The following PTPRM variants were observed in gnomAD, a reference collection of about 807,000 sequenced individuals.
PTPRM encodes protein tyrosine phosphatase receptor type M, also known as receptor-type tyrosine-protein phosphatase mu.
Under a neutral mutation model 186.7 loss-of-function variants are expected in PTPRM, and 47 were observed. The observed-to-expected ratio is 0.25, with a 90% confidence interval of 0.20 to 0.32. The LOEUF (loss-of-function observed/expected upper bound fraction) is 0.32, where lower values mean the gene tolerates loss of function less well. Among genes scored for constraint, PTPRM ranks in the 10% least tolerant of loss-of-function variants. The pLI, the probability that PTPRM is intolerant of heterozygous loss-of-function variation, is 1.00. For synonymous variants in PTPRM, 668 were observed against 674.9 expected, an observed-to-expected ratio of 0.99 and a Z score of 0.16; for missense variants, 1,494 against 1,865.0, an observed-to-expected ratio of 0.80 and a Z score of 3.66.
At chr18:8,150,888 C>T (rs994334870) in intron 14 of PTPRM, among the ~76,000 whole-genome samples, 2 of 152,196 alleles carry the variant, frequency 1.3e-5, no homozygotes, top group Admixed American at 1.3e-4. Context: ...TCTGGCCCCT[C>T]TGCTGCAGGT....
chr18:7,813,738 CT>C (rs908938539), intron 2 of PTPRM, among the ~76,000 whole-genome samples: 14 of 150,910 alleles, frequency 9.3e-5, no homozygotes, highest in Non-Finnish European at 8.9e-5. Context: ...CTTGTCTTAA[CT>C]TTTTTTTTCA....
intron 14 of PTPRM, among the ~76,000 whole-genome samples, chr18:8,235,476 T>TTTG (rs2094335056): frequency 2.2e-5 from 3 of 136,770 alleles, no homozygotes; most frequent in African/African-American, 8.0e-5. Context: ...TTTTTTTTTT[T>TTTG]TTTAGCCTGG....
At chr18:8,375,114 T>C (rs186479487) in intron 24 of PTPRM, among the ~76,000 whole-genome samples, 1 of 152,298 alleles carries the variant, frequency 6.6e-6, no homozygotes, top group East Asian at 1.9e-4. Context: ...GAAAACAAAA[T>C]TGACAGGTAT....
At chr18:8,151,238 T>C (rs1030868160) in intron 14 of PTPRM, among the ~76,000 whole-genome samples, 5 of 152,050 alleles carry the variant, frequency 3.3e-5, no homozygotes, top group African/African-American at 1.2e-4. Flanking sequence ...ACAGCTGCCC[T>C]TTCCCCCAGG....
At chr18:7,887,906 A>G (rs755668258) in intron 2 of PTPRM, 200 bp from the exon 3 acceptor site, 11 of 743,206 alleles carry the variant, frequency 1.5e-5, no homozygotes, top group African/African-American at 3.4e-5. Context: ...CATTAATACT[A>G]TGTGCACTCT....
intron 14 of PTPRM, among the ~76,000 whole-genome samples, chr18:8,225,476 C>G (rs987367985): frequency 2.0e-5 from 3 of 152,122 alleles, no homozygotes; most frequent in Non-Finnish European, 2.9e-5. Context: ...ATTGTCTGCC[C>G]CATGGCTGGA....
intron 21 of PTPRM, among the ~76,000 whole-genome samples, chr18:8,318,591 C>T (rs2148059879): frequency 6.6e-6 from 1 of 152,310 alleles, no homozygotes; most frequent in Middle Eastern, 3.4e-3. Context: ...AACCACCACA[C>T]CTGGCCCTTT....
intron 1 of PTPRM, among the ~76,000 whole-genome samples, chr18:7,608,068 A>G (rs995655430): frequency 6.6e-6 from 1 of 152,184 alleles, no homozygotes; most frequent in African/African-American, 2.4e-5. Context: ...CGGTCAGACA[A>G]GATGCTGGGA....
chr18:8,178,239 A>G (rs1001630751), intron 14 of PTPRM, among the ~76,000 whole-genome samples: 2 of 152,216 alleles, frequency 1.3e-5, no homozygotes, highest in African/African-American at 2.4e-5. Context: ...GTTTGTTCAC[A>G]GGAATAAGCA....
At chr18:8,251,347 T>C (rs1030109819) in intron 17 of PTPRM, among the ~76,000 whole-genome samples, 2 of 152,174 alleles carry the variant, frequency 1.3e-5, no homozygotes, top group African/African-American at 4.8e-5. Flanking sequence ...CTAATTAATG[T>C]TCCATTTATT....
intron 11 of PTPRM, among the ~76,000 whole-genome samples, chr18:8,110,882 A>C (rs1309860656): frequency 6.6e-6 from 1 of 152,182 alleles, no homozygotes; most frequent in East Asian, 1.9e-4. Flanking sequence ...AAGTCAGTGG[A>C]GACTAGCTTA....
intron 1 of PTPRM, among the ~76,000 whole-genome samples, chr18:7,647,008 T>A (rs1412090855): frequency 6.6e-6 from 1 of 152,182 alleles, no homozygotes; most frequent in Non-Finnish European, 1.5e-5. Context: ...TTTTTTGCCA[T>A]GTGTCTTAGC....
chr18:7,927,971 G>A (rs1679628916), intron 5 of PTPRM, among the ~76,000 whole-genome samples: 1 of 152,016 alleles, frequency 6.6e-6, no homozygotes. Flanking sequence ...CAAACTCCTA[G>A]CCTCAAGTGA....
chr18:7,747,496 GGTATTGGCAGAC>G (rs2041021395), intron 1 of PTPRM: 1 of 152,418 alleles, frequency 6.6e-6, no homozygotes, highest in South Asian at 2.1e-4. Flanking sequence ...CCAAGATCAA[GGTATTGGCAGAC>G]TTGGTTCCTT....
At chr18:7,661,086 A>G (rs764129928) in intron 1 of PTPRM, among the ~76,000 whole-genome samples, 2 of 152,254 alleles carry the variant, frequency 1.3e-5, no homozygotes, top group Non-Finnish European at 2.9e-5. Flanking sequence ...TATGTTTTGA[A>G]GAACAGGACT....
At chr18:8,178,309 A>G (rs2093517323) in intron 14 of PTPRM, among the ~76,000 whole-genome samples, 1 of 152,232 alleles carries the variant, frequency 6.6e-6, no homozygotes, top group Non-Finnish European at 1.5e-5. Context: ...GAATCTTTTA[A>G]CAGGTTTGCC....
At chr18:7,941,452 C>T (rs1378999247) in intron 5 of PTPRM, among the ~76,000 whole-genome samples, 1 of 152,226 alleles carries the variant, frequency 6.6e-6, no homozygotes, top group Admixed American at 6.5e-5. Context: ...ATCCACTTAA[C>T]AAAGTCTGAT....
At chr18:8,266,994 G>C (rs1195741155) in intron 19 of PTPRM, among the ~76,000 whole-genome samples, 1 of 152,000 alleles carries the variant, frequency 6.6e-6, no homozygotes, top group African/African-American at 2.4e-5. Context: ...TTCTATTATC[G>C]CCCTTTAGGG....
intron 19 of PTPRM, among the ~76,000 whole-genome samples, chr18:8,258,931 T>G (rs1601517593): frequency 6.6e-6 from 1 of 151,964 alleles, no homozygotes; most frequent in East Asian, 1.9e-4. Context: ...ATTATCTTTA[T>G]TCCACGTACT....
Sources: gnomAD v4.1 joint callset for allele counts (sites outside exome capture counted in the v4.1 genomes callset) on GRCh38, gnomAD v4.1.1 for gene constraint, MANE v1.5 for transcripts, NCBI Gene and HGNC (gene_info 2026-07-23, HGNC 2026-07-21) for gene names.